DNAJC1: variants seen among roughly 807,000 people sequenced by gnomAD.
DNAJC1 encodes the protein dnaJ homolog subfamily C member 1.
In DNAJC1, 58 loss-of-function variants were observed where a neutral mutation model predicts 76.6. The ratio of observed to expected loss-of-function variants is 0.76; its 90% CI spans 0.61 to 0.94. DNAJC1 has a LOEUF of 0.94. DNAJC1 is among the 40% of genes least tolerant of loss of function. The pLI, the probability that DNAJC1 is intolerant of heterozygous loss-of-function variation, is 0.00. For missense variants in DNAJC1, 689 were observed against 677.3 expected (o/e 1.02, Z -0.19); for synonymous variants, 258 against 267.9 (o/e 0.96, Z 0.36).
At chr10:21,768,416 A>T (rs1224438910) in intron 9 of DNAJC1, among the ~76,000 whole-genome samples, 1 of 152,206 alleles carries the variant, frequency 6.6e-6, no homozygotes, top group Non-Finnish European at 1.5e-5. Context: ...TCAGCTGGGT[A>T]ACAGACAGCA....
At chr10:21,987,873 A>G (rs907135502) in intron 1 of DNAJC1, among the ~76,000 whole-genome samples, 2 of 152,164 alleles carry the variant, frequency 1.3e-5, no homozygotes, top group Admixed American at 6.5e-5. Flanking sequence ...AACTCTTCTC[A>G]TTAGCCCATG....
intron 1 of DNAJC1, among the ~76,000 whole-genome samples, chr10:21,961,550 TG>T (rs1837791435): frequency 6.6e-6 from 1 of 152,100 alleles, no homozygotes; most frequent in Admixed American, 6.5e-5. Flanking sequence ...GAAAGTGGAT[TG>T]GAGGTTACCA....
chr10:21,912,372 T>A (rs78401350), intron 6 of DNAJC1, among the ~76,000 whole-genome samples: 1 of 152,116 alleles, frequency 6.6e-6, no homozygotes, highest in Non-Finnish European at 1.5e-5. Context: ...GCTTTTTATC[T>A]TTTCTACATC....
chr10:21,972,455 C>T (rs891952678), intron 1 of DNAJC1, among the ~76,000 whole-genome samples: 1 of 151,878 alleles, frequency 6.6e-6, no homozygotes, highest in African/African-American at 2.4e-5. Context: ...ATAAATGCAA[C>T]AATATAACTT....
chr10:21,771,937 T>TTTTG (rs368549768), intron 9 of DNAJC1, among the ~76,000 whole-genome samples: 1 of 152,160 alleles, frequency 6.6e-6, no homozygotes, highest in East Asian at 1.9e-4. Flanking sequence ...AATAAATGTT[T>TTTTG]TTTGTTTGTT....
chr10:21,945,480 G>GT (rs1164502993), intron 1 of DNAJC1, among the ~76,000 whole-genome samples: 1 of 152,164 alleles, frequency 6.6e-6, no homozygotes, highest in African/African-American at 2.4e-5. Context: ...AGCACTGACA[G>GT]TATGTTTCCA....
At chr10:21,882,477 T>C (rs1836298935) in intron 7 of DNAJC1, 38 bp from the exon 8 acceptor site, 2 of 1,305,160 alleles carry the variant, frequency 1.5e-6, no homozygotes, top group Non-Finnish European at 2.1e-6. Context: ...TTGAGATTTT[T>C]AAAGAATAAA....
chr10:21,758,622 G>T (rs947537205), intron 11 of DNAJC1, among the ~76,000 whole-genome samples: 1 of 152,132 alleles, frequency 6.6e-6, no homozygotes, highest in African/African-American at 2.4e-5. Context: ...TGGCCTCAGG[G>T]CCTCTGGACA....
At chr10:21,770,671 G>A (rs2131621213) in intron 9 of DNAJC1, among the ~76,000 whole-genome samples, 1 of 152,214 alleles carries the variant, frequency 6.6e-6, no homozygotes, top group South Asian at 2.1e-4. Context: ...AGTGCTGGGA[G>A]TACAGGCGTA....
chr10:21,918,792 G>C lies in DNAJC1; in HGVS notation c.716C>G (p.Pro239Arg). 3 of 1,611,970 alleles carry C rather than the reference G, an allele frequency of 1.9e-6. No individual in the cohort carries two copies. The highest frequency in any genetic ancestry group is 2.5e-6 in the Non-Finnish European group (3 of 1,178,234). The stretch of plus-strand genomic sequence containing the variant: ...GGTACATTTTACCTGGATGAGGTGA[G>C]GTAATGCTTTTAGTGTAAGGCAAAA... ...IWFCLTLKAL[P>R]HLIQDAGQFY... is the part of the protein sequence containing the mutation. Residue 239 changes from proline (P) to arginine (R), a missense_variant, in exon 6 of 12, where the codon CCT becomes CGT. By Grantham distance (103) the Pro-to-Arg change is moderately radical (BLOSUM62 -2). Transcript: ENST00000376980.
intron 1 of DNAJC1, among the ~76,000 whole-genome samples, chr10:21,943,884 G>C (rs941135068): frequency 3.3e-5 from 5 of 151,496 alleles, no homozygotes; most frequent in Non-Finnish European, 7.4e-5. Context: ...CGCAAATGTT[G>C]GTTTCAAATC....
intron 8 of DNAJC1, among the ~76,000 whole-genome samples, chr10:21,820,288 TG>T (rs538180919): frequency 6.6e-6 from 1 of 152,154 alleles, no homozygotes; most frequent in Admixed American, 6.5e-5. Context: ...ATTCTATGTC[TG>T]GGGGGGATAT....
chr10:21,756,628 A>C lies in DNAJC1; in HGVS notation c.*59T>G. 2 of 1,360,594 alleles carry C rather than the reference A, an allele frequency of 1.5e-6. No individual in the cohort carries two copies. Among genetic ancestry groups the C allele is most frequent in the South Asian group, 1.2e-5 (1 of 85,106 alleles). The allele number at this position is 1,360,594 out of a possible 1,614,324, so 84.3% of individuals were successfully genotyped here. On this transcript the variant is annotated 3_prime_UTR_variant, in exon 12 of 12. Transcript: ENST00000376980. ...TGAGGTACAAAATGCAAATTTCTGCATAAGATTTTTAAGATATTCATTTTG... is the reference window on the plus strand; with the variant it reads ...TGAGGTACAAAATGCAAATTTCTGCCTAAGATTTTTAAGATATTCATTTTG...
intron 7 of DNAJC1, among the ~76,000 whole-genome samples, chr10:21,896,246 C>T (rs1279218282): frequency 6.6e-6 from 1 of 152,116 alleles, no homozygotes; most frequent in African/African-American, 2.4e-5. Context: ...CATGAGACTC[C>T]AGCCTGTGAT....
chr10:21,952,240 T>C lies in DNAJC1; in HGVS notation c.223-23099A>G, dbSNP rs568161108. Among the ~76,000 whole-genome samples, 7 of 152,362 alleles carry C rather than the reference T, an allele frequency of 4.6e-5. No homozygotes were observed. The South Asian group carries it at 1.4e-3, about 32-fold the overall frequency. On this transcript the variant is annotated intron_variant, in intron 1 of 11. Coordinates refer to ENST00000376980, the MANE Select transcript of DNAJC1 (RefSeq NM_022365.4). ...AAAACTACTTTTCATGCTTCTCATA[T>C]AATTTTTCAGTTATACCTTTTTTCA...
intron 1 of DNAJC1, among the ~76,000 whole-genome samples, chr10:22,002,706 T>C (rs952426356): frequency 6.6e-6 from 1 of 152,078 alleles, no homozygotes; most frequent in African/African-American, 2.4e-5. Context: ...CCACAGTGCA[T>C]TCCTACTTTC....
chr10:21,973,915 C>T (rs1173452333), intron 1 of DNAJC1, among the ~76,000 whole-genome samples: 1 of 151,494 alleles, frequency 6.6e-6, no homozygotes, highest in African/African-American at 2.4e-5. Context: ...CCAGACTGGG[C>T]AACATGGTGT....
At chr10:21,797,679 C>A (rs1834764635) in intron 9 of DNAJC1, among the ~76,000 whole-genome samples, 1 of 152,018 alleles carries the variant, frequency 6.6e-6, no homozygotes, top group Non-Finnish European at 1.5e-5. Flanking sequence ...TGGGTTATTG[C>A]AGGAGTGAGT....
chr10:21,891,070 A>T (rs552906435), intron 7 of DNAJC1, among the ~76,000 whole-genome samples: 1 of 152,158 alleles, frequency 6.6e-6, no homozygotes, highest in African/African-American at 2.4e-5. Flanking sequence ...CATGCCTGTA[A>T]TCCCAGCTAC....
Sources: gnomAD v4.1 joint callset for allele counts (sites outside exome capture counted in the v4.1 genomes callset) on GRCh38, gnomAD v4.1.1 for gene constraint, MANE v1.5 for transcripts, NCBI Gene and HGNC (gene_info 2026-07-23, HGNC 2026-07-21) for gene names.